RCAN2: variants seen among roughly 807,000 people sequenced by gnomAD.
The protein encoded by RCAN2 is calcipressin-2.
In RCAN2, 9 loss-of-function variants were observed where a neutral mutation model predicts 23.6. The ratio of observed to expected loss-of-function variants is 0.38; its 90% CI spans 0.23 to 0.67. The LOEUF is 0.67. RCAN2 is among the 30% of genes least tolerant of loss of function. The probability of loss-of-function intolerance (pLI) is 0.51; values close to 1 mark genes in which losing one functional copy is unlikely to be tolerated. For missense variants in RCAN2, 273 were observed against 302.3 expected (o/e 0.90, Z 0.72); for synonymous variants, 109 against 115.7 (o/e 0.94, Z 0.37).
At chr6:46,437,735 G>A (rs1767414331) in intron 2 of RCAN2, among the ~76,000 whole-genome samples, 1 of 152,142 alleles carries the variant, frequency 6.6e-6, no homozygotes, top group Non-Finnish European at 1.5e-5. Flanking sequence ...CTGCTGAGTG[G>A]TGACAGAATC....
chr6:46,374,310 C>T (rs1765402467), intron 2 of RCAN2, among the ~76,000 whole-genome samples: 1 of 152,186 alleles, frequency 6.6e-6, no homozygotes, highest in African/African-American at 2.4e-5. Flanking sequence ...TCCTAGAATC[C>T]ATCTCAGGCC....
intron 2 of RCAN2, among the ~76,000 whole-genome samples, chr6:46,335,464 G>A (rs572406687): frequency 2.6e-4 from 40 of 152,220 alleles, no homozygotes; most frequent in South Asian, 1.5e-3. Flanking sequence ...CACACACAAG[G>A]ACAAACCTAG....
intron 2 of RCAN2, among the ~76,000 whole-genome samples, chr6:46,362,369 G>A (rs1765043350): frequency 6.6e-6 from 1 of 151,896 alleles, no homozygotes; most frequent in African/African-American, 2.4e-5. Context: ...GGTAATATGA[G>A]GTATTGGAGG....
At chr6:46,298,980 A>G (rs1354390165) in intron 2 of RCAN2, among the ~76,000 whole-genome samples, 1 of 152,096 alleles carries the variant, frequency 6.6e-6, no homozygotes, top group East Asian at 1.9e-4. Context: ...GCCAGAGGCC[A>G]TTATCTTAAG....
rs368531690 is a variant in RCAN2 at position 46,426,002 on chromosome 6, G to A, written c.225+30750C>T. Among the ~76,000 whole-genome samples, 174 of 150,536 alleles carry A rather than the reference G, an allele frequency of 1.2e-3. 5 individuals are homozygous for A. In the South Asian group the frequency reaches 0.035, roughly 30 times the overall value. ...CAACCTCTGTCTCCCGGGTTCAAGC[G>A]ATTCTCCTGCCTCAGCCTACTGAGT... On this transcript the variant is annotated intron_variant, in intron 2 of 4. Coordinates refer to ENST00000371374, the MANE Select transcript of RCAN2 (RefSeq NM_001251974.2).
chr6:46,403,765 A>C (rs1483892041), intron 2 of RCAN2, among the ~76,000 whole-genome samples: 2 of 152,196 alleles, frequency 1.3e-5, no homozygotes, highest in Non-Finnish European at 2.9e-5. Flanking sequence ...ATCTCTACAC[A>C]AAGTGAGTTA....
At chr6:46,303,204 T>C (rs1476522171) in intron 2 of RCAN2, among the ~76,000 whole-genome samples, 1 of 151,852 alleles carries the variant, frequency 6.6e-6, no homozygotes, top group Non-Finnish European at 1.5e-5. Context: ...GGGTCCTGCG[T>C]TCCTTAGTGT....
intron 1 of RCAN2, among the ~76,000 whole-genome samples, chr6:46,457,775 G>A (rs934823197): frequency 6.6e-6 from 1 of 152,114 alleles, no homozygotes; most frequent in Non-Finnish European, 1.5e-5. Context: ...ATCAATCCAT[G>A]GTGCACAGGT....
chr6:46,303,150 T>A (rs544629091), intron 2 of RCAN2, among the ~76,000 whole-genome samples: 2 of 152,014 alleles, frequency 1.3e-5, no homozygotes, highest in Non-Finnish European at 2.9e-5. Flanking sequence ...CACAGAGCCC[T>A]AAATAGAATG....
intron 2 of RCAN2, among the ~76,000 whole-genome samples, chr6:46,431,745 G>GA (rs1245747870): frequency 2.6e-5 from 4 of 152,128 alleles, no homozygotes; most frequent in African/African-American, 4.8e-5. Context: ...AAGTTAGAAA[G>GA]AAAAAAATCA....
chr6:46,434,135 G>A (rs1246591348), intron 2 of RCAN2, among the ~76,000 whole-genome samples: 1 of 152,168 alleles, frequency 6.6e-6, no homozygotes, highest in Non-Finnish European at 1.5e-5. Flanking sequence ...CCTTTCTTTA[G>A]GTTCCATTCA....
In RCAN2 at chr6:46,246,931, A is replaced by C; in HGVS notation, c.400-12T>G. On this transcript the variant is annotated splice_polypyrimidine_tract_variant and intron_variant, in intron 3 of 4. Coordinates refer to ENST00000371374, the MANE Select transcript of RCAN2 (RefSeq NM_001251974.2). ...TCTGGAGTCTGAACCTTTCAAATAG[A>C]GTAGAGATGAAGAAACTTATTCATC... 6 of 1,502,966 alleles carry C rather than the reference A, an allele frequency of 4.0e-6. No individual in the cohort carries two copies. The highest frequency in any genetic ancestry group is 5.3e-6 in the Non-Finnish European group (6 of 1,124,424). The allele number at this position is 1,502,966 out of a possible 1,614,324, so 93.1% of individuals were successfully genotyped here.
At chr6:46,251,014 T>A (rs552338229) in intron 2 of RCAN2, among the ~76,000 whole-genome samples, 5 of 152,204 alleles carry the variant, frequency 3.3e-5, no homozygotes, top group Non-Finnish European at 5.9e-5. Flanking sequence ...TTTATACCAG[T>A]CCAAGGACCC....
intron 2 of RCAN2, among the ~76,000 whole-genome samples, chr6:46,280,778 G>A (rs1767880751): frequency 6.6e-6 from 1 of 152,100 alleles, no homozygotes; most frequent in Non-Finnish European, 1.5e-5. Flanking sequence ...AAGAAGTTGG[G>A]TATTAATTAA....
At chr6:46,457,547 A>G (rs1768076569) in intron 1 of RCAN2, among the ~76,000 whole-genome samples, 1 of 152,200 alleles carries the variant, frequency 6.6e-6, no homozygotes, top group South Asian at 2.1e-4. Context: ...GATCAAAATA[A>G]GTAGAAGCCT....
At chr6:46,345,157 G>A (rs759819491) in intron 2 of RCAN2, among the ~76,000 whole-genome samples, 3 of 151,948 alleles carry the variant, frequency 2.0e-5, no homozygotes, top group Admixed American at 6.6e-5. Flanking sequence ...AGAATTATTA[G>A]AAATTAGGAT....
At chr6:46,382,673 T>A (rs1426744530) in intron 2 of RCAN2, among the ~76,000 whole-genome samples, 1 of 152,124 alleles carries the variant, frequency 6.6e-6, no homozygotes, top group Non-Finnish European at 1.5e-5. Context: ...ATAGCCATCT[T>A]GTGTTTTTAA....
chr6:46,277,543 A>G (rs1288200449), intron 2 of RCAN2, among the ~76,000 whole-genome samples: 1 of 152,208 alleles, frequency 6.6e-6, no homozygotes, highest in Admixed American at 6.5e-5. Context: ...CGAAGTAGAC[A>G]ATAAATTTTG....
chr6:46,251,604 T>C (rs146018758), intron 2 of RCAN2, among the ~76,000 whole-genome samples: 1 of 152,224 alleles, frequency 6.6e-6, no homozygotes, highest in Non-Finnish European at 1.5e-5. Flanking sequence ...TTGAGTCTAA[T>C]TCCTTCCTTT....
Sources: allele counts gnomAD v4.1 joint callset (sites outside exome capture counted in the v4.1 genomes callset), GRCh38; gene constraint gnomAD v4.1.1; transcripts MANE v1.5; gene names NCBI Gene and HGNC (gene_info 2026-07-23, HGNC 2026-07-21).